Variants in QSOX1 observed in about 807,000 individuals in gnomAD.
QSOX1 encodes the protein quiescin sulfhydryl oxidase 1.
In QSOX1, 40 loss-of-function variants were observed where a neutral mutation model predicts 76.1. That is an observed-to-expected ratio of 0.53 (90% confidence interval 0.41 to 0.68). The LOEUF (loss-of-function observed/expected upper bound fraction) is 0.68. Among genes scored for constraint, QSOX1 ranks in the 30% least tolerant of loss-of-function variants. The probability of loss-of-function intolerance (pLI) is 0.00; values close to 1 mark genes in which losing one functional copy is unlikely to be tolerated. For missense variants in QSOX1, 931 were observed against 974.3 expected (o/e 0.96, Z 0.59); for synonymous variants, 392 against 413.1 (o/e 0.95, Z 0.62).
At position 180,155,123 on chromosome 1, in the gene QSOX1, C is replaced by G; in HGVS notation, c.216C>G (p.His72Gln). 6.6e-7 allele frequency: 1 copy of G among 1,522,758 alleles called. No homozygotes were observed. The highest frequency in any genetic ancestry group is 8.8e-7 in the Non-Finnish European group (1 of 1,139,816). The allele number at this position is 1,522,758 out of a possible 1,614,324, so 94.3% of individuals were successfully genotyped here. A position where few individuals can be genotyped will look rare whatever the true frequency, so the allele number is the denominator to read the frequency against. Residue 72 changes from histidine to glutamine, a missense_variant, in exon 1 of 12, where the codon CAC (histidine) becomes CAG (glutamine). Coordinates refer to ENST00000367602, the MANE Select transcript of QSOX1 (RefSeq NM_002826.5). The stretch of plus-strand genomic sequence containing the variant: ...AGTTCTTCGCCTCCTGGTGCGGCCA[C>G]TGCATCGCCTTCGCCCCGACGTGGA... ...AVEFFASWCG[H>Q]CIAFAPTWKA...
At chr1:180,192,409 G>A (rs535229219) in intron 10 of QSOX1, among the ~76,000 whole-genome samples, 30 of 152,354 alleles carry the variant, frequency 2.0e-4, no homozygotes, top group African/African-American at 7.0e-4. Flanking sequence ...TAGAAAGGTG[G>A]AGGATGGGCT....
chr1:180,166,562 T>C lies in QSOX1; in HGVS notation c.337T>C (p.Phe113Leu). ...EETNSAVCRD[F>L]NIPGFPTVRF... is the part of the protein sequence containing the mutation. ...GACCAACAGTGCAGTCTGCAGAGAC[T>C]TCAACATCCCTGGCTTCCCGACTGT... The change falls in exon 2 of 12, where the codon TTC becomes CTC. Residue 113 changes from phenylalanine (F) to leucine (L), a missense_variant. Transcript: ENST00000367602. 1.2e-6 allele frequency: 2 copies of C among 1,614,104 alleles called. No homozygotes were observed. The highest frequency in any genetic ancestry group is 1.7e-6 in the Non-Finnish European group (2 of 1,180,012).
In QSOX1 at chr1:180,200,720, C is replaced by G. The variant is rs1426821528; in HGVS notation, c.*3683C>G. ...AAAATAAATACATTTGCCCTATTCT[C>G]CCAAATGGTGAGAGGTAGATCCAGG... On this transcript the variant is annotated 3_prime_UTR_variant, in exon 12 of 12. Coordinates refer to ENST00000367602, the MANE Select transcript of QSOX1 (RefSeq NM_002826.5). 1 of 152,190 alleles carries G rather than the reference C, an allele frequency of 6.6e-6. No individual in the cohort carries two copies. The highest frequency in any genetic ancestry group is 1.9e-4 in the East Asian group (1 of 5,198). 9.4% of individuals were successfully genotyped at this position (152,190 alleles called of 1,614,324 possible).
At chr1:180,178,909 A>G in intron 5 of QSOX1, 25 bp downstream of exon 5, 1 of 1,592,452 alleles carries the variant, frequency 6.3e-7, no homozygotes, top group South Asian at 1.1e-5. Context: ...AGTTCCCTGC[A>G]ATTCTTGGAT....
Position 180,190,528 on chromosome 1 carries a change from C to T in QSOX1, c.1236C>T (p.His412=), listed in dbSNP as rs368265680. The change falls in exon 10 of 12, where the codon CAC becomes CAT. Residue 412 remains histidine (H), a synonymous_variant. Coordinates refer to ENST00000367602, the MANE Select transcript of QSOX1 (RefSeq NM_002826.5). ...CCTGCTCCCTGTGGGTCCTCTTCCA[C>T]TTCTTGACTGTGCAGGCAGCTCGGC... ...GFPCSLWVLF[H]FLTVQAARQN... 2.5e-6 allele frequency: 4 copies of T among 1,614,228 alleles called. No individual in the cohort carries two copies. The highest frequency in any genetic ancestry group is 1.7e-6 in the Non-Finnish European group (2 of 1,180,020).
chr1:180,169,703 C>T (rs571859595), intron 2 of QSOX1, among the ~76,000 whole-genome samples: 1 of 152,380 alleles, frequency 6.6e-6, no homozygotes, highest in South Asian at 2.1e-4. Context: ...TGCTGCTGGA[C>T]TGTGTGGCAG....
chr1:180,198,660 C>T lies in QSOX1; in HGVS notation c.*1623C>T, dbSNP rs1663566094. 2.3e-5 allele frequency: 8 copies of T among 340,638 alleles called. No individual in the cohort carries two copies. The highest frequency in any genetic ancestry group is 1.8e-4 in the South Asian group (8 of 44,506). The allele number at this position is 340,638 out of a possible 1,614,324, so 21.1% of individuals were successfully genotyped here. On this transcript the variant is annotated 3_prime_UTR_variant, in exon 12 of 12. Transcript: ENST00000367602. ...CCCTCGACCTCTTTAGCTGCAGCGC[C>T]TTGCTGGGCTCCTGGGTTGGACTCC...
At chr1:180,160,879 C>T (rs1222380604) in intron 1 of QSOX1, among the ~76,000 whole-genome samples, 1 of 152,106 alleles carries the variant, frequency 6.6e-6, no homozygotes, top group Non-Finnish European at 1.5e-5. Flanking sequence ...CAGAACAGTT[C>T]CTGTTCTTAG....
chr1:180,187,806 C>T (rs1663211057), intron 8 of QSOX1, among the ~76,000 whole-genome samples: 1 of 152,148 alleles, frequency 6.6e-6, no homozygotes, highest in Admixed American at 6.5e-5. Context: ...CCAGGTATGC[C>T]CCGCAGTAGC....
chr1:180,176,526 C>T (rs1174950783), intron 4 of QSOX1, among the ~76,000 whole-genome samples: 1 of 152,174 alleles, frequency 6.6e-6, no homozygotes, highest in African/African-American at 2.4e-5. Flanking sequence ...GGGGTGGCCC[C>T]TGGCTCTCTG....
rs1486791082 is a variant in QSOX1, at chr1:180,197,089, G to T, written c.*52G>T. 1.9e-6 allele frequency: 3 copies of T among 1,549,390 alleles called. No individual in the cohort carries two copies. The African/African-American group carries it at 4.1e-5, about 21-fold the overall frequency. Reference sequence around the variant, plus strand: ...GAGCTGCCATCTCTAGGCACCTCAAGCCCCCTGACCCCATTCCCTCCCCTC... The same window carrying T: ...GAGCTGCCATCTCTAGGCACCTCAATCCCCCTGACCCCATTCCCTCCCCTC... On this transcript the variant is annotated 3_prime_UTR_variant, in exon 12 of 12. Coordinates refer to ENST00000367602, the MANE Select transcript of QSOX1 (RefSeq NM_002826.5).
intron 8 of QSOX1, 36 bp from the exon 9 acceptor site, chr1:180,189,516 T>C: frequency 7.1e-7 from 1 of 1,413,902 alleles, no homozygotes; most frequent in Non-Finnish European, 9.5e-7. Flanking sequence ...GGGAATTGCT[T>C]TTCACTCTCC....
In QSOX1 at chr1:180,178,805, T is replaced by A. The variant is rs1439070756; in HGVS notation, c.527T>A (p.Ile176Asn). 1.9e-6 allele frequency: 3 copies of A among 1,613,638 alleles called. No homozygotes were observed. The highest frequency in any genetic ancestry group is 2.5e-6 in the Non-Finnish European group (3 of 1,179,582). The change falls in exon 5 of 12, where the codon ATT (isoleucine) becomes AAT (asparagine). Residue 176 changes from isoleucine (I) to asparagine (N), a missense_variant. Ile to Asn is a moderately radical substitution (Grantham distance 149). Coordinates refer to ENST00000367602, the MANE Select transcript of QSOX1 (RefSeq NM_002826.5). ...ATTGTCTCTTGCAGGCTGGAGGAGA[T>A]TGATGGATTCTTTGCGAGAAATAAC... The part of the protein sequence containing the change: ...PPLEPAKLEE[I>N]DGFFARNNEE...
Position 180,178,887 on chromosome 1 carries a change from G to T in QSOX1, c.606+3G>T. 1.2e-6 allele frequency: 2 copies of T among 1,611,328 alleles called. No homozygotes were observed. Among genetic ancestry groups the T allele is most frequent in the Non-Finnish European group, 1.7e-6 (2 of 1,177,502 alleles). The stretch of plus-strand genomic sequence containing the variant: ...GAGGCTCCTACCTGGGTAGAGAGGT[G>T]AGCTGCCCTGAAGTTCCCTGCAATT... On this transcript the variant is annotated splice_donor_region_variant and intron_variant, in intron 5 of 11. Coordinates refer to ENST00000367602, the MANE Select transcript of QSOX1 (RefSeq NM_002826.5).
intron 2 of QSOX1, among the ~76,000 whole-genome samples, chr1:180,167,460 C>G (rs904420679): frequency 6.6e-6 from 1 of 152,204 alleles, no homozygotes; most frequent in East Asian, 1.9e-4. Flanking sequence ...TACCTCTGAG[C>G]TGGGGGTAGG....
Position 180,183,926 on chromosome 1 carries a change from T to C in QSOX1, c.763T>C (p.Ser255Pro). The change falls in exon 7 of 12, where the codon TCC becomes CCC. Residue 255 changes from serine (S) to proline (P), a missense_variant. Physicochemically the swap from Ser to Pro is moderately conservative, Grantham distance 74. Coordinates refer to ENST00000367602, the MANE Select transcript of QSOX1 (RefSeq NM_002826.5). ...TCTGTGCCCTCACAGGCTCATGGAA[T>C]CCAGGTCCTTCTATACCGCTTACCT... The part of the protein sequence containing the change: ...SVSRVPVLME[S>P]RSFYTAYLQR... 6.2e-7 allele frequency: 1 copy of C among 1,613,778 alleles called. No homozygotes were observed. The highest frequency in any genetic ancestry group is 1.1e-5 in the South Asian group (1 of 91,058).
intron 6 of QSOX1, 138 bp downstream of exon 6, chr1:180,182,457 G>A: frequency 1.6e-6 from 2 of 1,216,744 alleles, no homozygotes; most frequent in East Asian, 2.3e-5. Flanking sequence ...GCTGCAGTCT[G>A]CTGTCTGCGG....
intron 1 of QSOX1, among the ~76,000 whole-genome samples, chr1:180,165,306 A>T (rs747612210): frequency 2.6e-5 from 4 of 152,196 alleles, no homozygotes; most frequent in African/African-American, 9.7e-5. Flanking sequence ...GCCACCAGGC[A>T]GGCCTCCTCC....
chr1:180,163,133 C>CA (rs35476222), intron 1 of QSOX1, among the ~76,000 whole-genome samples: 20,149 of 139,972 alleles, frequency 0.14, 1,493 homozygotes, highest in Middle Eastern at 0.21. Context: ...TAAGGCTCAT[C>CA]AAAAAAAAAA....
Sources: allele counts gnomAD v4.1 joint callset (sites outside exome capture counted in the v4.1 genomes callset), GRCh38; gene constraint gnomAD v4.1.1; transcripts MANE v1.5; gene names NCBI Gene and HGNC (gene_info 2026-07-23, HGNC 2026-07-21).